Variants in TRPM8 observed in about 807,000 individuals in gnomAD.
TRPM8 encodes transient receptor potential cation channel subfamily M member 8, also known as TRPM8 cationic channel.
TRPM8 carries 110 observed loss-of-function variants against 133.7 expected under a neutral mutation model. That is an observed-to-expected ratio of 0.82 (90% CI 0.70 to 0.96). The LOEUF (loss-of-function observed/expected upper bound fraction) is 0.96. Ranked by LOEUF, TRPM8 falls within the 40% of genes least tolerant of loss-of-function variation. The probability of loss-of-function intolerance (pLI) is 0.00; values close to 1 mark genes in which losing one functional copy is unlikely to be tolerated. For missense variants in TRPM8, 1,291 were observed against 1,379.5 expected, an observed-to-expected ratio of 0.94 and a Z score of 1.02; for synonymous variants, 535 against 532.3, an observed-to-expected ratio of 1.01 and a Z score of -0.07.
intron 11 of TRPM8, among the ~76,000 whole-genome samples, chr2:233,955,837 C>T (rs1217217753): frequency 1.3e-5 from 2 of 152,214 alleles, no homozygotes; most frequent in Non-Finnish European, 2.9e-5. Flanking sequence ...TCTGTATTTA[C>T]ACCAGCTCCC....
chr2:233,939,463 T>C (rs934382143), intron 5 of TRPM8, among the ~76,000 whole-genome samples: 1 of 152,170 alleles, frequency 6.6e-6, no homozygotes, highest in African/African-American at 2.4e-5. Context: ...ACACGTAAAG[T>C]TTTACCCAGA....
intron 2 of TRPM8, among the ~76,000 whole-genome samples, chr2:233,929,194 A>C (rs1691634606): frequency 6.6e-6 from 1 of 152,094 alleles, no homozygotes. Flanking sequence ...TTAGATGTGG[A>C]AGTCATGACT....
intron 9 of TRPM8, among the ~76,000 whole-genome samples, chr2:233,951,399 G>A (rs1211222140): frequency 6.6e-6 from 1 of 152,160 alleles, no homozygotes; most frequent in Non-Finnish European, 1.5e-5. Flanking sequence ...GATCCCCATA[G>A]AGGAAGAAAC....
rs1161837711 is a variant in TRPM8 at position 233,942,041 on chromosome 2, A to G, written c.527-535A>G. Among the ~76,000 whole-genome samples the G allele has an allele frequency of 4.8e-5, 7 of 145,262 alleles. No individual in the cohort carries two copies. The East Asian group carries it at 1.5e-3, about 31-fold the overall frequency. ...CTCGACCCACCTCCCAGAGAGCCTG[A>G]TGAGGCAGATCTGGAATAGGGTCAA... On this transcript the variant is annotated intron_variant, in intron 5 of 25. Coordinates refer to ENST00000324695, the MANE Select transcript of TRPM8 (RefSeq NM_024080.5).
chr2:233,997,063 G>T (rs2125353519), intron 22 of TRPM8, among the ~76,000 whole-genome samples: 1 of 152,280 alleles, frequency 6.6e-6, no homozygotes, highest in South Asian at 2.1e-4. Context: ...TCAGGAGTTT[G>T]TGACCAGCCT....
intron 17 of TRPM8, among the ~76,000 whole-genome samples, chr2:233,971,302 A>C (rs1456088552): frequency 6.6e-6 from 1 of 152,204 alleles, no homozygotes; most frequent in African/African-American, 2.4e-5. Flanking sequence ...AAGAATCCTA[A>C]GTTGGCTTAA....
chr2:233,956,506 T>C (rs1260184320), intron 11 of TRPM8, among the ~76,000 whole-genome samples: 1 of 152,178 alleles, frequency 6.6e-6, no homozygotes, highest in African/African-American at 2.4e-5. Context: ...GCTTCTTTGT[T>C]TTCAGCTTTT....
intron 11 of TRPM8, among the ~76,000 whole-genome samples, chr2:233,959,806 G>C (rs1691387216): frequency 6.6e-6 from 1 of 152,030 alleles, no homozygotes; most frequent in African/African-American, 2.4e-5. Flanking sequence ...TCTTGAGATG[G>C]AGTCTTGCTC....
intron 12 of TRPM8, among the ~76,000 whole-genome samples, chr2:233,961,630 C>CTTTTTTTTTTT (rs57935574): frequency 1.8e-5 from 2 of 111,680 alleles, no homozygotes; most frequent in Non-Finnish European, 3.7e-5. Context: ...CTTTTCTTTT[C>CTTTTTTTTTTT]TTTTTTTTTT....
At chr2:233,927,935 TC>T (rs1465879608) in intron 2 of TRPM8, among the ~76,000 whole-genome samples, 4 of 59,914 alleles carry the variant, frequency 6.7e-5, no homozygotes, top group Non-Finnish European at 5.6e-5. Flanking sequence ...TCTCTCTCTC[TC>T]TCTCTCTCTC....
intron 21 of TRPM8, among the ~76,000 whole-genome samples, chr2:233,993,777 C>T (rs1692340270): frequency 6.6e-6 from 1 of 152,196 alleles, no homozygotes; most frequent in African/African-American, 2.4e-5. Flanking sequence ...AGAATGCTTT[C>T]CCCTGCTCTG....
chr2:233,931,573 G>A (rs1016959565), intron 3 of TRPM8, among the ~76,000 whole-genome samples: 2 of 152,206 alleles, frequency 1.3e-5, no homozygotes, highest in Non-Finnish European at 2.9e-5. Flanking sequence ...GTGTGGCCTT[G>A]AGCCAATTAT....
chr2:233,975,709 C>T (rs946814560), intron 17 of TRPM8, among the ~76,000 whole-genome samples: 1 of 152,178 alleles, frequency 6.6e-6, no homozygotes, highest in Non-Finnish European at 1.5e-5. Context: ...GGCAAAATCC[C>T]GTCTCTACTA....
rs148681098 is a variant in TRPM8, at chr2:233,955,149, C to A, written c.1261C>A (p.Gln421Lys). ...TCTCACAGCCTTCAGCACCAGTGAG[C>A]AAGACAAGGATAACTGGAATGGGCA... is the stretch of plus-strand genomic sequence containing the variant. ...ALYKAFSTSE[Q>K]DKDNWNGQLK... is the part of the protein sequence containing the mutation. Residue 421 changes from glutamine (Q) to lysine (K), a missense_variant, in exon 11 of 26, where the codon CAA becomes AAA. By Grantham distance (53) the Gln-to-Lys change is moderately conservative. Transcript: ENST00000324695. 2 of 1,613,846 alleles carry A rather than the reference C, an allele frequency of 1.2e-6. No individual in the cohort carries two copies. The highest frequency in any genetic ancestry group is 1.7e-6 in the Non-Finnish European group (2 of 1,179,884).
At position 233,985,909 on chromosome 2, in the gene TRPM8, A is replaced by G. The variant is rs28902208; in HGVS notation, c.2939+44A>G. ...GTTCACTGATGTCCACCCTGGGCCA[A>G]GCCCCATGCCAGGCTGGAGGTGCTG... On this transcript the variant is annotated intron_variant, in intron 21 of 25. Transcript: ENST00000324695. 2,172 of 1,556,700 alleles carry G rather than the reference A, an allele frequency of 1.4e-3. 37 individuals are homozygous for G. The African/African-American group carries it at 0.026, about 19-fold the overall frequency.
chr2:233,976,889 T>C (rs1427453362), intron 17 of TRPM8, among the ~76,000 whole-genome samples: 2 of 152,178 alleles, frequency 1.3e-5, no homozygotes, highest in Non-Finnish European at 2.9e-5. Flanking sequence ...TCTTCTGGTC[T>C]GCAGACTCAT....
intron 11 of TRPM8, among the ~76,000 whole-genome samples, chr2:233,958,181 G>C (rs553900993): frequency 1.2e-4 from 18 of 152,260 alleles, no homozygotes; most frequent in African/African-American, 4.3e-4. Flanking sequence ...GGGAGTTGCT[G>C]ATAGTTTTTT....
chr2:234,002,818 C>T (rs1692602438), intron 22 of TRPM8, among the ~76,000 whole-genome samples: 1 of 152,162 alleles, frequency 6.6e-6, no homozygotes, highest in Non-Finnish European at 1.5e-5. Flanking sequence ...CCTCATTCTA[C>T]TGTTCACAGG....
At position 233,980,927 on chromosome 2, in the gene TRPM8, CAA is replaced by C. The variant is rs1275739905; in HGVS notation, c.2447+649_2447+650del. ...CAAATAGCTTTTAAGATAAAGCTAG[CAA>C]CTGGGCATGGTGGCTCACACCTGTA... is the stretch of plus-strand genomic sequence containing the variant. On this transcript the variant is annotated intron_variant, in intron 18 of 25. Transcript: ENST00000324695. Among the ~76,000 whole-genome samples the C allele has an allele frequency of 7.2e-5, 11 of 152,190 alleles. No homozygotes were observed. The East Asian group carries it at 2.1e-3, about 30-fold the overall frequency.
Sources: gnomAD v4.1 joint callset for allele counts (sites outside exome capture counted in the v4.1 genomes callset) on GRCh38, gnomAD v4.1.1 for gene constraint, MANE v1.5 for transcripts, NCBI Gene and HGNC (gene_info 2026-07-23, HGNC 2026-07-21) for gene names.